CNTN5: variants seen among roughly 807,000 people sequenced by gnomAD.
CNTN5 encodes contactin 5.
A neutral mutation model predicts 129.1 loss-of-function variants in CNTN5; 77 were observed. The ratio of observed to expected loss-of-function variants is 0.60; its 90% CI spans 0.50 to 0.72. The LOEUF (loss-of-function observed/expected upper bound fraction) is 0.72. Ranked by LOEUF, CNTN5 falls within the 30% of genes least tolerant of loss-of-function variation. The pLI is 0.00. For missense variants in CNTN5, 1,478 were observed against 1,328.8 expected (o/e 1.11, Z -1.75); for synonymous variants, 509 against 465.6 (o/e 1.09, Z -1.20).
intron 1 of CNTN5, among the ~76,000 whole-genome samples, chr11:99,194,282 GA>G (rs1858791920): frequency 6.6e-6 from 1 of 152,036 alleles, no homozygotes; most frequent in Non-Finnish European, 1.5e-5. Flanking sequence ...TGATTTCAAA[GA>G]GATAAAAGTA....
At chr11:99,454,842 A>G (rs907391584) in intron 2 of CNTN5, among the ~76,000 whole-genome samples, 1 of 152,128 alleles carries the variant, frequency 6.6e-6, no homozygotes, top group Non-Finnish European at 1.5e-5. Flanking sequence ...ACAAAGTTAT[A>G]TCTTGTATAA....
At chr11:99,975,099 T>G (rs1464190150) in intron 8 of CNTN5, among the ~76,000 whole-genome samples, 2 of 152,262 alleles carry the variant, frequency 1.3e-5, no homozygotes, top group Non-Finnish European at 2.9e-5. Context: ...ATTTTGCCTT[T>G]GTTTAAATAA....
At chr11:100,037,747 T>C (rs1254328191) in intron 9 of CNTN5, among the ~76,000 whole-genome samples, 1 of 152,208 alleles carries the variant, frequency 6.6e-6, no homozygotes, top group African/African-American at 2.4e-5. Context: ...TTTTCTAGTT[T>C]ATTTGTGTAG....
chr11:99,795,978 A>T (rs185828116), intron 3 of CNTN5, among the ~76,000 whole-genome samples: 1 of 152,120 alleles, frequency 6.6e-6, no homozygotes, highest in Non-Finnish European at 1.5e-5. Flanking sequence ...GCAATGCTAG[A>T]GGGTGGAGTG....
At chr11:100,166,873 G>T (rs1400495636) in intron 13 of CNTN5, among the ~76,000 whole-genome samples, 1 of 151,742 alleles carries the variant, frequency 6.6e-6, no homozygotes, top group Non-Finnish European at 1.5e-5. Flanking sequence ...GAGTCATATG[G>T]TGTGAAGGAC....
At chr11:100,057,456 A>AT (rs1943283500) in intron 9 of CNTN5, among the ~76,000 whole-genome samples, 1 of 151,678 alleles carries the variant, frequency 6.6e-6, no homozygotes, top group Non-Finnish European at 1.5e-5. Context: ...TTACTAAGTA[A>AT]TTTATAATAA....
At chr11:99,406,474 G>A (rs1942072747) in intron 2 of CNTN5, among the ~76,000 whole-genome samples, 1 of 151,894 alleles carries the variant, frequency 6.6e-6, no homozygotes, top group Non-Finnish European at 1.5e-5. Context: ...TGTGGCCACT[G>A]CTCCTAGGAC....
intron 13 of CNTN5, among the ~76,000 whole-genome samples, chr11:100,097,200 G>A (rs1486934585): frequency 6.6e-6 from 1 of 152,054 alleles, no homozygotes; most frequent in African/African-American, 2.4e-5. Flanking sequence ...CTAATATTGA[G>A]GGAGCAGCTT....
intron 21 of CNTN5, among the ~76,000 whole-genome samples, chr11:100,338,053 CA>C (rs1276152274): frequency 1.3e-5 from 2 of 152,258 alleles, no homozygotes; most frequent in East Asian, 3.9e-4. Context: ...TATAAAATAT[CA>C]GAAGAAATGA....
At chr11:99,367,166 C>T (rs530817043) in intron 2 of CNTN5, among the ~76,000 whole-genome samples, 1 of 152,044 alleles carries the variant, frequency 6.6e-6, no homozygotes, top group Admixed American at 6.6e-5. Context: ...AGACAAATAA[C>T]CAATATAATG....
chr11:99,922,260 C>T (rs1312959321), intron 7 of CNTN5, among the ~76,000 whole-genome samples: 1 of 152,104 alleles, frequency 6.6e-6, no homozygotes, highest in African/African-American at 2.4e-5. Flanking sequence ...ATCATGAGAA[C>T]ACAATGGGAA....
chr11:99,965,091 T>C (rs1197207967), intron 8 of CNTN5, among the ~76,000 whole-genome samples: 1 of 152,210 alleles, frequency 6.6e-6, no homozygotes, highest in Non-Finnish European at 1.5e-5. Context: ...ATTAATTTTG[T>C]TGATCTTTTC....
chr11:99,989,455 A>C (rs11222235), intron 8 of CNTN5, among the ~76,000 whole-genome samples: 24,418 of 151,368 alleles, frequency 0.16, 2,079 homozygotes, highest in Non-Finnish European at 0.18. Flanking sequence ...CAAAGTACCA[A>C]CTTTTTTTTT....
chr11:99,205,833 AAAAT>A (rs1464403685), intron 1 of CNTN5, among the ~76,000 whole-genome samples: 2 of 152,298 alleles, frequency 1.3e-5, no homozygotes, highest in Non-Finnish European at 2.9e-5. Context: ...AAGCTGAAAA[AAAAT>A]AAAAAGAAAA....
Position 100,271,151 on chromosome 11 carries a change from G to A in CNTN5, c.2224G>A (p.Val742Met). Residue 742 changes from valine (V) to methionine (M), a missense_variant, in exon 18 of 25, where the codon GTG becomes ATG. Transcript: ENST00000524871. The part of the protein sequence containing the change: ...SAMAVDLNPW[V>M]EYEFRVVATN... Reference sequence around the variant, plus strand: ...CATGGCTGTGGACCTAAATCCCTGGGTGGAATATGAATTTCGAGTGGTAGC... The same window carrying A: ...CATGGCTGTGGACCTAAATCCCTGGATGGAATATGAATTTCGAGTGGTAGC... 1 of 1,613,156 alleles carries A rather than the reference G, an allele frequency of 6.2e-7. No homozygotes were observed. Among genetic ancestry groups the A allele is most frequent in the Non-Finnish European group, 8.5e-7 (1 of 1,179,510 alleles).
At chr11:100,286,749 G>A (rs1950804424) in intron 18 of CNTN5, among the ~76,000 whole-genome samples, 1 of 148,564 alleles carries the variant, frequency 6.7e-6, no homozygotes, top group Admixed American at 6.7e-5. Context: ...GAACAAAGCT[G>A]GATGGAGAAT....
chr11:99,177,118 C>T (rs777098809), intron 1 of CNTN5, among the ~76,000 whole-genome samples: 2 of 134,198 alleles, frequency 1.5e-5, no homozygotes, highest in African/African-American at 2.8e-5. Context: ...ACCATGGATT[C>T]TTCATGGAAA....
chr11:99,706,587 T>C (rs1954764965), intron 3 of CNTN5, among the ~76,000 whole-genome samples: 1 of 151,554 alleles, frequency 6.6e-6, no homozygotes, highest in Non-Finnish European at 1.5e-5. Flanking sequence ...AATCTCTTGA[T>C]TTAAAATTCC....
At chr11:99,832,537 C>T (rs1438882095) in intron 4 of CNTN5, among the ~76,000 whole-genome samples, 7 of 152,106 alleles carry the variant, frequency 4.6e-5, no homozygotes, top group African/African-American at 1.4e-4. Context: ...CTTAGAAATC[C>T]TTGAAGGTTT....
Sources: gnomAD v4.1 joint callset for allele counts (sites outside exome capture counted in the v4.1 genomes callset) on GRCh38, gnomAD v4.1.1 for gene constraint, MANE v1.5 for transcripts, NCBI Gene and HGNC (gene_info 2026-07-23, HGNC 2026-07-21) for gene names.